The following WDFY4 variants were observed in gnomAD, a reference collection of about 807,000 sequenced individuals.
WDFY4 encodes the protein WD repeat- and FYVE domain-containing protein 4.
WDFY4 carries 169 observed loss-of-function variants against 351.9 expected under a neutral mutation model. The observed-to-expected ratio is 0.48, with a 90% CI of 0.42 to 0.55. The LOEUF is 0.55. Among genes scored for constraint, WDFY4 ranks in the 20% least tolerant of loss-of-function variants. The pLI is 0.00. For synonymous variants in WDFY4, 1,622 were observed against 1,574.6 expected (o/e 1.03, Z -0.71); for missense variants, 3,803 against 3,935.6 (o/e 0.97, Z 0.90).
rs1370377128 is a variant in WDFY4 at position 48,731,262 on chromosome 10, C to T, written c.1282C>T (p.Gln428Ter). Residue 428 changes from glutamine (Q) to a stop codon, truncating the protein, a stop_gained, in exon 9 of 62, where the codon CAG becomes TAG. Coordinates refer to ENST00000325239, the MANE Select transcript of WDFY4 (RefSeq NM_001394531.1). LOFTEE classifies it high-confidence loss of function. The part of the protein sequence containing the change: ...RNFFLLEWTL[Q>*]PISQFVEIMP... The stretch of plus-strand genomic sequence containing the variant: ...CTTCTTCCTGCTGGAGTGGACCCTG[C>T]AGCCCATCTCGCAGTTTGTAGAGAT... 6.4e-7 allele frequency: 1 copy of T among 1,551,970 alleles called. No individual in the cohort carries two copies. Among genetic ancestry groups the T allele is most frequent in the Non-Finnish European group, 8.7e-7 (1 of 1,147,036 alleles).
At position 48,799,666 on chromosome 10, in the gene WDFY4, G is replaced by T. The variant is rs534910023; in HGVS notation, c.4410+3216G>T. Reference sequence around the variant, plus strand: ...CGGGCGCCTGTAATCCCAGCTAGTCGGGAGGCTGAGGCAGGAGAATCACTT... The same window carrying T: ...CGGGCGCCTGTAATCCCAGCTAGTCTGGAGGCTGAGGCAGGAGAATCACTT... On this transcript the variant is annotated intron_variant, in intron 24 of 61. Transcript: ENST00000325239. Among the ~76,000 whole-genome samples the T allele has an allele frequency of 7.8e-4, 119 of 152,168 alleles. 1 individual carries two copies. The highest frequency in any genetic ancestry group is 1.4e-3 in the Non-Finnish European group (95 of 68,000).
rs1181632423 is a variant in WDFY4, at chr10:48,830,824, G to T, written c.6465G>T (p.Lys2155Asn). 1.3e-6 allele frequency: 2 copies of T among 1,551,696 alleles called. No homozygotes were observed. Among genetic ancestry groups the T allele is most frequent in the African/African-American group, 2.7e-5 (2 of 73,162 alleles). The change falls in exon 38 of 62, where the codon AAG (lysine) becomes AAT (asparagine). Residue 2155 changes from lysine (K) to asparagine (N), a missense_variant. Lys to Asn is a moderately conservative substitution (Grantham distance 94, BLOSUM62 0). This residue lies in a region of WDFY4 where 3,054 missense variants were observed against 3,148.6 expected (regional missense o/e 0.97). Coordinates refer to ENST00000325239, the MANE Select transcript of WDFY4 (RefSeq NM_001394531.1). ...LSVKPGEREV[K>N]IEEVTPLWEE... is the part of the protein sequence containing the mutation. ...TGAAACCTGGAGAGAGGGAAGTGAA[G>T]ATTGAAGAGGTCACACCGCTCTGGG...
rs546499558 is a variant in WDFY4 at position 48,831,876 on chromosome 10, C to T, written c.6527-697C>T. Among the ~76,000 whole-genome samples, 28 of 152,316 alleles carry T rather than the reference C, an allele frequency of 1.8e-4. No individual in the cohort carries two copies. In the South Asian group the frequency reaches 5.6e-3, roughly 30 times the overall value. On this transcript the variant is annotated intron_variant, in intron 38 of 61. Coordinates refer to ENST00000325239, the MANE Select transcript of WDFY4 (RefSeq NM_001394531.1). ...AAAAATGGCCTGGGATGGCCCCCTT[C>T]AGCTTTTTTATAAGACACTAATTCA... is the stretch of plus-strand genomic sequence containing the variant.
intron 40 of WDFY4, among the ~76,000 whole-genome samples, chr10:48,869,263 T>C (rs937394128): frequency 1.3e-5 from 2 of 152,166 alleles, no homozygotes; most frequent in Admixed American, 1.3e-4. Flanking sequence ...TTAAGAAATC[T>C]GCCACGTCCT....
At chr10:48,873,305 T>C (rs1589790211) in intron 40 of WDFY4, among the ~76,000 whole-genome samples, 186 bp from the exon 41 acceptor site, 1 of 152,244 alleles carries the variant, frequency 6.6e-6, no homozygotes, top group Non-Finnish European at 1.5e-5. Context: ...ATCTTAAAGC[T>C]GAGCAACTGT....
intron 11 of WDFY4, among the ~76,000 whole-genome samples, chr10:48,739,507 C>T (rs186285244): frequency 3.3e-5 from 5 of 152,238 alleles, no homozygotes; most frequent in East Asian, 1.9e-4. Context: ...AATCATTTCC[C>T]GAAGTAGAGA....
At chr10:48,770,641 A>G (rs1235621237) in intron 13 of WDFY4, among the ~76,000 whole-genome samples, 1 of 152,218 alleles carries the variant, frequency 6.6e-6, no homozygotes, top group Non-Finnish European at 1.5e-5. Flanking sequence ...AGAGAGTTGG[A>G]GCCTCAGAAA....
At chr10:48,917,289 G>A (rs1006967717) in intron 47 of WDFY4, among the ~76,000 whole-genome samples, 10 of 152,174 alleles carry the variant, frequency 6.6e-5, no homozygotes, top group Admixed American at 5.2e-4. Flanking sequence ...ACTTACACCT[G>A]TATCTCAGAA....
At chr10:48,696,820 C>T (rs531807425) in intron 1 of WDFY4, among the ~76,000 whole-genome samples, 4 of 152,396 alleles carry the variant, frequency 2.6e-5, no homozygotes, top group East Asian at 3.9e-4. Context: ...GGGCATCTAG[C>T]ATGTACTGGA....
At chr10:48,891,550 T>C (rs967939079) in intron 44 of WDFY4, among the ~76,000 whole-genome samples, 11 of 152,240 alleles carry the variant, frequency 7.2e-5, no homozygotes, top group African/African-American at 2.7e-4. Flanking sequence ...GCCTTGCCTT[T>C]TCCAGTTGAC....
intron 2 of WDFY4, among the ~76,000 whole-genome samples, chr10:48,714,208 C>G (rs564305099): frequency 2.6e-4 from 39 of 152,334 alleles, no homozygotes; most frequent in African/African-American, 9.1e-4. Flanking sequence ...CATTATTAAC[C>G]ACTGGATGTC....
At chr10:48,746,923 T>G (rs2065031607) in intron 12 of WDFY4, among the ~76,000 whole-genome samples, 1 of 152,224 alleles carries the variant, frequency 6.6e-6, no homozygotes, top group South Asian at 2.1e-4. Flanking sequence ...TGTTGTTTTA[T>G]AAAATATTCT....
rs1020984031 is a variant in WDFY4, at chr10:48,863,542, G to T, written c.6664-3723G>T. Among the ~76,000 whole-genome samples the T allele has an allele frequency of 3.9e-5, 6 of 152,048 alleles. 1 individual carries two copies. Among genetic ancestry groups the T allele is most frequent in the East Asian group, 3.9e-4 (2 of 5,168 alleles). ...GGATCCAGTGTCCATTTTTAAATTG[G>T]ATTATTTTTCTTTTTATTATTGATC... On this transcript the variant is annotated intron_variant, in intron 39 of 61. Coordinates refer to ENST00000325239, the MANE Select transcript of WDFY4 (RefSeq NM_001394531.1).
chr10:48,718,796 T>A (rs2063987906), intron 2 of WDFY4, among the ~76,000 whole-genome samples: 4 of 152,234 alleles, frequency 2.6e-5, no homozygotes, highest in Admixed American at 2.6e-4. Flanking sequence ...AAGACTTGGA[T>A]GAAAAGCGGA....
At position 48,957,310 on chromosome 10, in the gene WDFY4, G is replaced by A. The variant is rs372257740; in HGVS notation, c.8131+28G>A. 1.5e-3 allele frequency: 2,335 copies of A among 1,544,030 alleles called. 1 individual carries two copies. The highest frequency in any genetic ancestry group is 1.9e-3 in the Non-Finnish European group (2,213 of 1,140,646). Reference sequence around the variant, plus strand: ...AAGTGGAGGCCTGGTGAGGCCGGGTGAGTGGCGTTGCAGGGTGCTCTTTCC... The same window carrying A: ...AAGTGGAGGCCTGGTGAGGCCGGGTAAGTGGCGTTGCAGGGTGCTCTTTCC... On this transcript the variant is annotated intron_variant, in intron 52 of 61. Transcript: ENST00000325239.
Position 48,915,135 on chromosome 10 carries a change from A to AC in WDFY4, c.7586+13275dup, listed in dbSNP as rs1838394656. Among the ~76,000 whole-genome samples, 5 of 152,304 alleles carry AC rather than the reference A, an allele frequency of 3.3e-5. 1 individual carries two copies. In the South Asian group the frequency reaches 1.0e-3, roughly 32 times the overall value. On this transcript the variant is annotated intron_variant, in intron 47 of 61. Transcript: ENST00000325239. ...TGTTTTCTTATTTGTGAAAACAGAC[A>AC]CCCTTACAGAGCTATGAGGGGGCGT...
In WDFY4 at chr10:48,870,995, G is replaced by A. The variant is rs181004366; in HGVS notation, c.6742-2496G>A. 6.5e-3 allele frequency among the ~76,000 whole-genome samples: 992 copies of A among 151,930 alleles called. 5 individuals carry two copies. The highest frequency in any genetic ancestry group is 0.023 in the African/African-American group (948 of 41,408). ...TTCCCCCAGGCTGGAGTGCAGTGGCGCTATCTCGGCTCACTGCAAGTTCCG... is the reference window on the plus strand; with the variant it reads ...TTCCCCCAGGCTGGAGTGCAGTGGCACTATCTCGGCTCACTGCAAGTTCCG... On this transcript the variant is annotated intron_variant, in intron 40 of 61. Transcript: ENST00000325239.
intron 47 of WDFY4, chr10:48,913,304 G>A: frequency 8.0e-7 from 1 of 1,243,936 alleles, no homozygotes; most frequent in East Asian, 2.3e-5. Context: ...AGCCACAGGG[G>A]AGCCCTTGGT....
Position 48,875,078 on chromosome 10 carries a change from C to A in WDFY4, c.6949-11C>A. The A allele has an allele frequency of 1.4e-6, 2 of 1,473,566 alleles. No individual in the cohort carries two copies. Among genetic ancestry groups the A allele is most frequent in the South Asian group, 1.5e-5 (1 of 68,718 alleles). The allele number at this position is 1,473,566 out of a possible 1,614,324, so 91.3% of individuals were successfully genotyped here. A position where few individuals can be genotyped will look rare whatever the true frequency, so the allele number is the denominator to read the frequency against. On this transcript the variant is annotated splice_polypyrimidine_tract_variant and intron_variant, in intron 41 of 61. Coordinates refer to ENST00000325239, the MANE Select transcript of WDFY4 (RefSeq NM_001394531.1). ...AGGATTTAATTTTTCTTTTCAATGT[C>A]CTTATTTCAGGAAAGCCAAGACAAA...
Sources: allele counts gnomAD v4.1 joint callset (sites outside exome capture counted in the v4.1 genomes callset), GRCh38; gene constraint gnomAD v4.1.1; regional missense constraint gnomAD v4.1.1; transcripts MANE v1.5; gene names NCBI Gene and HGNC (gene_info 2026-07-23, HGNC 2026-07-21).